The following PKNOX1 variants were observed in gnomAD, a reference collection of about 807,000 sequenced individuals.
PKNOX1 encodes PBX/knotted 1 homeobox 1, also known as homeobox protein PKNOX1.
In PKNOX1, 15 loss-of-function variants were observed where a neutral mutation model predicts 51.9. The observed-to-expected ratio is 0.29, with a 90% CI of 0.19 to 0.45. PKNOX1 has a LOEUF of 0.45. Ranked by LOEUF, PKNOX1 falls within the 20% of genes least tolerant of loss-of-function variation. The pLI is 1.00. For missense variants in PKNOX1, 462 were observed against 547.5 expected, an observed-to-expected ratio of 0.84 and a Z score of 1.56; for synonymous variants, 219 against 211.1, an observed-to-expected ratio of 1.04 and a Z score of -0.32.
intron 4 of PKNOX1, 83 bp from the exon 5 acceptor site, chr21:43,012,985 G>A (rs1049824711): frequency 1.8e-6 from 2 of 1,089,542 alleles, no homozygotes; most frequent in Non-Finnish European, 2.7e-6. Context: ...TCTATCTAAT[G>A]ACTAAGAACT....
At chr21:43,026,516 T>A (rs1319733563) in intron 9 of PKNOX1, among the ~76,000 whole-genome samples, 3 of 152,160 alleles carry the variant, frequency 2.0e-5, no homozygotes, top group African/African-American at 4.8e-5. Flanking sequence ...CCCAGCACTT[T>A]GGGAGGCCGA....
At chr21:43,001,714 A>C (rs545888828) in intron 1 of PKNOX1, among the ~76,000 whole-genome samples, 12 of 152,242 alleles carry the variant, frequency 7.9e-5, no homozygotes, top group African/African-American at 2.4e-4. Context: ...TAATCCCAGC[A>C]CTTTGGGAGG....
chr21:43,000,533 C>T (rs1475511893), intron 1 of PKNOX1, among the ~76,000 whole-genome samples: 1 of 152,130 alleles, frequency 6.6e-6, no homozygotes, highest in Non-Finnish European at 1.5e-5. Flanking sequence ...AAAGACTTGC[C>T]CCCATGATTC....
In PKNOX1 at chr21:43,032,805, A is replaced by AT. The variant is rs1289583861; in HGVS notation, c.*2705dup. On this transcript the variant is annotated 3_prime_UTR_variant, in exon 11 of 11. Transcript: ENST00000291547. Reference sequence around the variant, plus strand: ...AAGATCACTTAGAGAAAGGGTGCTTATGGACATAGCCTGAGTTTCCTTTAA... The same window carrying AT: ...AAGATCACTTAGAGAAAGGGTGCTTATTGGACATAGCCTGAGTTTCCTTTAA... The AT allele has an allele frequency of 1.3e-5, 2 of 152,268 alleles. No homozygotes were observed. Among genetic ancestry groups the AT allele is most frequent in the African/African-American group, 4.8e-5 (2 of 41,470 alleles). The allele number at this position is 152,268 out of a possible 1,614,324, so 9.4% of individuals were successfully genotyped here.
chr21:43,002,841 T>C (rs1374772458), intron 1 of PKNOX1, among the ~76,000 whole-genome samples: 2 of 152,172 alleles, frequency 1.3e-5, no homozygotes, highest in East Asian at 3.9e-4. Context: ...CTCAGCCTCC[T>C]GAGTAGCTGG....
chr21:43,017,239 G>A (rs952129743), intron 6 of PKNOX1: 1 of 322,312 alleles, frequency 3.1e-6, no homozygotes, highest in Non-Finnish European at 5.7e-6. Flanking sequence ...AAGAAAAAAG[G>A]TTTTATGTAG....
chr21:43,003,528 C>G (rs527991237), intron 1 of PKNOX1, among the ~76,000 whole-genome samples: 4 of 152,224 alleles, frequency 2.6e-5, no homozygotes, highest in Non-Finnish European at 5.9e-5. Flanking sequence ...ACTCCCTGAT[C>G]TCAGCCTGTC....
intron 1 of PKNOX1, among the ~76,000 whole-genome samples, chr21:42,986,311 G>T (rs1166635426): frequency 6.6e-6 from 1 of 152,030 alleles, no homozygotes; most frequent in African/African-American, 2.4e-5. Flanking sequence ...GACCGTCTTG[G>T]CCAAGGTGGT....
At chr21:43,022,625 A>G (rs1344361719) in intron 8 of PKNOX1, among the ~76,000 whole-genome samples, 1 of 152,150 alleles carries the variant, frequency 6.6e-6, no homozygotes, top group Non-Finnish European at 1.5e-5. Context: ...ATGTCAGGAG[A>G]AAGGCGTGCT....
chr21:43,013,426 A>G (rs1369710034), intron 5 of PKNOX1, among the ~76,000 whole-genome samples, 188 bp downstream of exon 5: 1 of 152,162 alleles, frequency 6.6e-6, no homozygotes, highest in East Asian at 1.9e-4. Context: ...GTGAGTCCTC[A>G]ATCTGCATAC....
chr21:43,014,082 C>T (rs1232717940), intron 5 of PKNOX1, among the ~76,000 whole-genome samples: 1 of 137,322 alleles, frequency 7.3e-6, no homozygotes, highest in Non-Finnish European at 1.5e-5. Flanking sequence ...AGTGCAGTGG[C>T]GCGATCTCGG....
chr21:42,993,258 AC>A (rs1253080251), intron 1 of PKNOX1, among the ~76,000 whole-genome samples: 2 of 152,094 alleles, frequency 1.3e-5, no homozygotes, highest in African/African-American at 4.8e-5. Context: ...TCCTCCCCTC[AC>A]GAAGCTCCAT....
Position 43,009,688 on chromosome 21 carries a change from G to A in PKNOX1, c.180-365G>A, listed in dbSNP as rs538948707. Among the ~76,000 whole-genome samples, 12 of 151,862 alleles carry A rather than the reference G, an allele frequency of 7.9e-5. No homozygotes were observed. In the East Asian group the frequency reaches 1.9e-3, roughly 24 times the overall value. ...TAAGCCTTGGACACTTTATGCTGAG[G>A]GAAACAAGCCAGACACCACGGTCAC... On this transcript the variant is annotated intron_variant, in intron 3 of 10. Transcript: ENST00000291547.
At chr21:43,007,839 G>A (rs1011016710) in intron 3 of PKNOX1, 38 of 420,744 alleles carry the variant, frequency 9.0e-5, no homozygotes, top group East Asian at 9.5e-5. Flanking sequence ...TGAGGCGGGC[G>A]GATCACTTGA....
In PKNOX1 at chr21:43,010,703, G is replaced by A. The variant is rs1015506439; in HGVS notation, c.351+479G>A. Among the ~76,000 whole-genome samples, 9 of 151,776 alleles carry A rather than the reference G, an allele frequency of 5.9e-5. No individual in the cohort carries two copies. In the South Asian group the frequency reaches 1.7e-3, roughly 28 times the overall value. On this transcript the variant is annotated intron_variant, in intron 4 of 10. Coordinates refer to ENST00000291547, the MANE Select transcript of PKNOX1 (RefSeq NM_004571.5). ...TGTTGGCCAAAATCCCATCTCTACTGAAAATACAAAATTAGCCAGGCATGG... is the reference window on the plus strand; with the variant it reads ...TGTTGGCCAAAATCCCATCTCTACTAAAAATACAAAATTAGCCAGGCATGG...
chr21:43,011,099 G>T (rs1360511941), intron 4 of PKNOX1, among the ~76,000 whole-genome samples: 5 of 130,830 alleles, frequency 3.8e-5, no homozygotes, highest in African/African-American at 1.5e-4. Flanking sequence ...ACGGAGTCTC[G>T]CTCTGTTGCC....
At chr21:42,995,156 A>G (rs1265310778) in intron 1 of PKNOX1, among the ~76,000 whole-genome samples, 1 of 152,040 alleles carries the variant, frequency 6.6e-6, no homozygotes, top group African/African-American at 2.4e-5. Context: ...TCCTGACCTC[A>G]GGTAGTCCAC....
chr21:43,006,058 A>G (rs897983417), intron 2 of PKNOX1, among the ~76,000 whole-genome samples: 2 of 151,740 alleles, frequency 1.3e-5, no homozygotes, highest in South Asian at 4.2e-4. Context: ...TCTTTTCACA[A>G]TCATTTTTTT....
At chr21:43,007,282 T>A (rs939596463) in intron 2 of PKNOX1, among the ~76,000 whole-genome samples, 4 of 152,230 alleles carry the variant, frequency 2.6e-5, no homozygotes, top group Admixed American at 1.3e-4. Flanking sequence ...CAGACATTGG[T>A]TATCTCAGTT....
Sources: gnomAD v4.1 joint callset for allele counts (sites outside exome capture counted in the v4.1 genomes callset) on GRCh38, gnomAD v4.1.1 for gene constraint, MANE v1.5 for transcripts, NCBI Gene and HGNC (gene_info 2026-07-23, HGNC 2026-07-21) for gene names.